The following STRC variants were observed in gnomAD, a reference collection of about 807,000 sequenced individuals.
STRC encodes the protein stereocilin.
A neutral mutation model predicts 103.5 loss-of-function variants in STRC; 43 were observed. The ratio of observed to expected loss-of-function variants is 0.42; its 90% CI spans 0.33 to 0.54. STRC has a LOEUF of 0.54. STRC is among the 20% of genes least tolerant of loss of function. The probability of loss-of-function intolerance (pLI) is 0.14; values close to 1 mark genes in which losing one functional copy is unlikely to be tolerated. For missense variants in STRC, 499 were observed against 1,088.5 expected (o/e 0.46, Z 7.62); for synonymous variants, 186 against 442.3 (o/e 0.42, Z 7.27).
rs1238774052 is a variant in STRC at position 43,603,989 on chromosome 15, G to A, written c.4375+7C>T. ...TGCTGGACATATAAGTATTTGGGTA[G>A]TTTCACCTGGAAGATCCTCAGCAGC... On this transcript the variant is annotated splice_region_variant and intron_variant, in intron 22 of 28. Transcript: ENST00000450892. The A allele has an allele frequency of 6.2e-7, 1 of 1,612,902 alleles. No homozygotes were observed. The highest frequency in any genetic ancestry group is 8.5e-7 in the Non-Finnish European group (1 of 1,179,570).
At chr15:43,608,855 CA>C (rs1263475343) in intron 16 of STRC, among the ~76,000 whole-genome samples, 1 of 150,958 alleles carries the variant, frequency 6.6e-6, no homozygotes, top group Non-Finnish European at 1.5e-5. Context: ...AGTAAACTAA[CA>C]GTAGCAAATG....
At chr15:43,604,229 C>G (rs1167148003) in intron 21 of STRC, 77 bp from the exon 22 acceptor site, 2 of 1,601,816 alleles carry the variant, frequency 1.2e-6, no homozygotes, top group Non-Finnish European at 1.7e-6. Context: ...AGTCCAAAGT[C>G]CTGTCTCTGT....
At position 43,600,631 on chromosome 15, in the gene STRC, T is replaced by C. The variant is rs1448281022; in HGVS notation, c.4896A>G (p.Gln1632=). The C allele has an allele frequency of 6.2e-7, 1 of 1,613,648 alleles. No homozygotes were observed. Residue 1632 remains glutamine (Q), a synonymous_variant, in exon 26 of 29, where the codon CAA becomes CAG. Coordinates refer to ENST00000450892, the MANE Select transcript of STRC (RefSeq NM_153700.2). ...GTLHLQCSEE[Q]LEVLAHLLVL... Reference sequence around the variant, plus strand: ...CAAGTAGGTGGGCCAGAACCTCCAGTTGTTCCTCAGAGCACTGGAGATGCA... The same window carrying C: ...CAAGTAGGTGGGCCAGAACCTCCAGCTGTTCCTCAGAGCACTGGAGATGCA...
Position 43,601,449 on chromosome 15 carries a change from C to T in STRC, c.4648G>A (p.Asp1550Asn). 1.2e-6 allele frequency: 2 copies of T among 1,613,772 alleles called. No individual in the cohort carries two copies. The highest frequency in any genetic ancestry group is 1.3e-5 in the African/African-American group (1 of 74,972). Residue 1550 changes from aspartate to asparagine, a missense_variant, in exon 24 of 29, where the codon GAC becomes AAC. Coordinates refer to ENST00000450892, the MANE Select transcript of STRC (RefSeq NM_153700.2). The part of the protein sequence containing the change: ...DRELQELILV[D>N]WGVLSTLGQI... Reference sequence around the variant, plus strand: ...CCCAGGGTGCTCAGCACTCCCCAGTCCACTAGGATCAGCTCCTGTAGTTCC... The same window carrying T: ...CCCAGGGTGCTCAGCACTCCCCAGTTCACTAGGATCAGCTCCTGTAGTTCC...
In STRC at chr15:43,604,284, T is replaced by G. The variant is rs2470136; in HGVS notation, c.4218+77A>C. On this transcript the variant is annotated intron_variant, in intron 21 of 28. Transcript: ENST00000450892. The stretch of plus-strand genomic sequence containing the variant: ...TCTAGGCTTCATATCCTTTGCCCTC[T>G]TTGGCCACGGGTCCCCATAACCAGC... 5.2e-4 allele frequency: 822 copies of G among 1,594,966 alleles called. 6 individuals carry two copies. The African/African-American group carries it at 5.7e-3, about 11-fold the overall frequency.
chr15:43,600,020 C>G lies in STRC; in HGVS notation c.5179G>C (p.Glu1727Gln), dbSNP rs141749062. ...TPEQMAFLSP[E>Q]QRRAVAWAQH... ...GCCCATGCAACTGCTCGTCGCTGCT[C>G]AGGACTCAGAAAGGCCATTTGCTCA... The change falls in exon 28 of 29, where the codon GAG becomes CAG. Residue 1727 changes from glutamate to glutamine, a missense_variant. Coordinates refer to ENST00000450892, the MANE Select transcript of STRC (RefSeq NM_153700.2). The G allele has an allele frequency of 2.3e-4, 366 of 1,609,828 alleles. 6 individuals carry two copies. The African/African-American group carries it at 4.2e-3, about 18-fold the overall frequency.
At chr15:43,601,144 G>C (rs2085664033) in intron 24 of STRC, 130 bp from the exon 25 acceptor site, 1 of 858,702 alleles carries the variant, frequency 1.2e-6, no homozygotes. Context: ...GAAGGCTGAG[G>C]ACTCAGAAAA....
chr15:43,603,916 G>A (rs920980699), intron 22 of STRC, 80 bp downstream of exon 22: 26 of 1,606,826 alleles, frequency 1.6e-5, no homozygotes, highest in East Asian at 6.7e-5. Flanking sequence ...CCAGTCCCAG[G>A]GAAGAGCACA....
chr15:43,604,259 T>C, intron 21 of STRC, 102 bp downstream of exon 21: 7 of 1,594,530 alleles, frequency 4.4e-6, no homozygotes, highest in Non-Finnish European at 6.0e-6. Flanking sequence ...TCCCCCCAGA[T>C]CTAGGCTTCA....
chr15:43,604,248 C>A lies in STRC; in HGVS notation c.4219-96G>T, dbSNP rs2614819. On this transcript the variant is annotated intron_variant, in intron 21 of 28. Coordinates refer to ENST00000450892, the MANE Select transcript of STRC (RefSeq NM_153700.2). The stretch of plus-strand genomic sequence containing the variant: ...CAAAGTCCTGTCTCTGTTTTGCAGT[C>A]TCCCCCCAGATCTAGGCTTCATATC... The A allele has an allele frequency of 0.13, 206,523 of 1,593,192 alleles. 21,712 individuals carry two copies. Among genetic ancestry groups the A allele is most frequent in the African/African-American group, 0.49 (36,693 of 74,128 alleles).
intron 16 of STRC, among the ~76,000 whole-genome samples, chr15:43,608,546 TG>T (rs951814693): frequency 3.6e-5 from 5 of 138,036 alleles, no homozygotes; most frequent in Non-Finnish European, 3.2e-5. Flanking sequence ...GCCAAAATGG[TG>T]AAACCCCATC....
chr15:43,602,333 G>A (rs1420078169), intron 23 of STRC, among the ~76,000 whole-genome samples: 10 of 151,460 alleles, frequency 6.6e-5, no homozygotes, highest in Admixed American at 1.3e-4. Context: ...GGCATGTGCC[G>A]CCACACCCAG....
At chr15:43,602,636 A>T (rs1218849444) in intron 23 of STRC, 1 of 152,596 alleles carries the variant, frequency 6.6e-6, no homozygotes, top group African/African-American at 2.5e-5. Flanking sequence ...TTCATGAAGC[A>T]TGCCTTTTTT....
chr15:43,604,578 T>G, intron 20 of STRC, 72 bp downstream of exon 20: 1 of 1,611,700 alleles, frequency 6.2e-7, no homozygotes. Context: ...TGGAACAGGC[T>G]GCCACTGATG....
At position 43,603,238 on chromosome 15, in the gene STRC, T is replaced by G; in HGVS notation, c.4545+4A>C. On this transcript the variant is annotated splice_donor_region_variant and intron_variant, in intron 23 of 28. Transcript: ENST00000450892. ...CCAACCCCAGTTGGCTCTCCATCCC[T>G]AACCTGTTTTGCTTTGCCCATGGCT... is the stretch of plus-strand genomic sequence containing the variant. The G allele has an allele frequency of 6.2e-7, 1 of 1,613,366 alleles. No homozygotes were observed. Among genetic ancestry groups the G allele is most frequent in the Non-Finnish European group, 8.5e-7 (1 of 1,179,668 alleles).
Position 43,600,607 on chromosome 15 carries a change from A to C in STRC, c.4920T>G (p.Leu1640=). The change falls in exon 26 of 29, where the codon CTT becomes CTG. Residue 1640 remains leucine, a synonymous_variant. Coordinates refer to ENST00000450892, the MANE Select transcript of STRC (RefSeq NM_153700.2). The part of the protein sequence containing the change: ...EEQLEVLAHL[L]VLPGGFGPIS... ...TTGGGCCAAACCCACCAGGCAGTAC[A>C]AGTAGGTGGGCCAGAACCTCCAGTT... 1.2e-6 allele frequency: 2 copies of C among 1,613,756 alleles called. No individual in the cohort carries two copies. The highest frequency in any genetic ancestry group is 1.7e-6 in the Non-Finnish European group (2 of 1,179,870).
chr15:43,601,669 T>C (rs1190270997), intron 23 of STRC, 118 bp from the exon 24 acceptor site: 1 of 1,065,152 alleles, frequency 9.4e-7, no homozygotes, highest in Non-Finnish European at 1.4e-6. Flanking sequence ...CATTTGCCTT[T>C]TCTTTAGTTT....
At position 43,603,746 on chromosome 15, in the gene STRC, T is replaced by C. The variant is rs376266158; in HGVS notation, c.4375+250A>G. Reference sequence around the variant, plus strand: ...CAGAGAGCTCCACACTTAGCCGAGCTAGAGCTGAGTCTAGAGCAGACACGA... The same window carrying C: ...CAGAGAGCTCCACACTTAGCCGAGCCAGAGCTGAGTCTAGAGCAGACACGA... On this transcript the variant is annotated intron_variant, in intron 22 of 28. Transcript: ENST00000450892. 1.1e-4 allele frequency among the ~76,000 whole-genome samples: 16 copies of C among 152,142 alleles called. No individual in the cohort carries two copies. The East Asian group carries it at 2.9e-3, about 28-fold the overall frequency.
At chr15:43,605,147 T>A in intron 19 of STRC, 117 bp downstream of exon 19, 1 of 1,546,368 alleles carries the variant, frequency 6.5e-7, no homozygotes, top group Non-Finnish European at 8.7e-7. Context: ...TAGACAGGAA[T>A]CTGTTTGGCA....
Sources: allele counts gnomAD v4.1 joint callset (sites outside exome capture counted in the v4.1 genomes callset), GRCh38; gene constraint gnomAD v4.1.1; transcripts MANE v1.5; gene names NCBI Gene and HGNC (gene_info 2026-07-23, HGNC 2026-07-21).